Variants in EPB41 observed in about 807,000 individuals in gnomAD.
EPB41 encodes protein 4.1.
In EPB41, 65 loss-of-function variants were observed where a neutral mutation model predicts 108.0. The observed-to-expected ratio is 0.60, with a 90% CI of 0.49 to 0.74. The LOEUF (loss-of-function observed/expected upper bound fraction) is 0.74. Ranked by LOEUF, EPB41 falls within the 30% of genes least tolerant of loss-of-function variation. The pLI is 0.00. For missense variants in EPB41, 875 were observed against 1,037.0 expected, an observed-to-expected ratio of 0.84 and a Z score of 2.15; for synonymous variants, 336 against 358.9, an observed-to-expected ratio of 0.94 and a Z score of 0.72.
In EPB41 at chr1:29,115,940, A is replaced by G; in HGVS notation, c.*6+137A>G. On this transcript the variant is annotated intron_variant, in intron 20 of 20. Coordinates refer to ENST00000343067, the MANE Select transcript of EPB41 (RefSeq NM_001376013.1). This position sits in a 1 kb window ranked among gnomAD's most constrained non-coding sequence, Gnocchi z 4.4. ...CTGGGACTTGATAAAGGCAGACGAG[A>G]GGCTGATGTGGGAGATATAGGAAAT... is the stretch of plus-strand genomic sequence containing the variant. 1.4e-6 allele frequency: 1 copy of G among 691,558 alleles called. No homozygotes were observed. Among genetic ancestry groups the G allele is most frequent in the East Asian group, 2.7e-5 (1 of 36,692 alleles). 42.8% of individuals were successfully genotyped at this position (691,558 alleles called of 1,614,324 possible). A position where few individuals can be genotyped will look rare whatever the true frequency, so the allele number is the denominator to read the frequency against.
intron 17 of EPB41, among the ~76,000 whole-genome samples, chr1:29,102,104 T>C (rs550204820): frequency 6.6e-6 from 1 of 152,348 alleles, no homozygotes; most frequent in African/African-American, 2.4e-5. Context: ...TTAAAAATTG[T>C]ACACGCTATT....
At chr1:28,979,482 C>T (rs916631688) in intron 1 of EPB41, among the ~76,000 whole-genome samples, 1 of 151,478 alleles carries the variant, frequency 6.6e-6, no homozygotes, top group African/African-American at 2.4e-5. Context: ...AAACACCCTT[C>T]ATTACAGAAT....
At chr1:28,958,292 T>C (rs1197324999) in intron 1 of EPB41, among the ~76,000 whole-genome samples, 1 of 151,982 alleles carries the variant, frequency 6.6e-6, no homozygotes, top group Non-Finnish European at 1.5e-5. Flanking sequence ...GTATCAAAAA[T>C]ACAAAGATTA....
In EPB41 at chr1:29,029,841, C is replaced by T. The variant is rs1299165666; in HGVS notation, c.1125-559C>T. Among the ~76,000 whole-genome samples the T allele has an allele frequency of 2.0e-5, 3 of 152,208 alleles. No individual in the cohort carries two copies. The East Asian group carries it at 5.8e-4, about 29-fold the overall frequency. On this transcript the variant is annotated intron_variant, in intron 7 of 20. Coordinates refer to ENST00000343067, the MANE Select transcript of EPB41 (RefSeq NM_001376013.1). ...ATTTTGTTTATATCAGTGGGCAGGA[C>T]ACCATCTGTTACCAGAAATTTTCTT...
chr1:28,903,926 G>A (rs548598186), intron 1 of EPB41, among the ~76,000 whole-genome samples: 411 of 152,020 alleles, frequency 2.7e-3, no homozygotes, highest in Non-Finnish European at 4.5e-3. Flanking sequence ...GAGTGCAGTG[G>A]TGTGATCTTG....
chr1:28,949,460 G>A (rs929548615), intron 1 of EPB41, among the ~76,000 whole-genome samples: 3 of 151,756 alleles, frequency 2.0e-5, no homozygotes, highest in South Asian at 4.1e-4. Flanking sequence ...TACCATCTCT[G>A]TATTACTATA....
At chr1:28,924,964 C>CATTTTTTTT (rs1553168191) in intron 1 of EPB41, among the ~76,000 whole-genome samples, 1 of 128,334 alleles carries the variant, frequency 7.8e-6, no homozygotes, top group African/African-American at 2.9e-5. Context: ...GCCTGGCTAA[C>CATTTTTTTT]TTTTTTTTTT....
At chr1:28,969,134 C>T (rs955403572) in intron 1 of EPB41, among the ~76,000 whole-genome samples, 35 of 149,330 alleles carry the variant, frequency 2.3e-4, no homozygotes, top group Admixed American at 1.8e-3. Flanking sequence ...ACCCAAGCTG[C>T]GGTGCAGTGG....
intron 1 of EPB41, among the ~76,000 whole-genome samples, chr1:28,940,522 G>GGCGC (rs1410243599): frequency 1.3e-5 from 2 of 152,046 alleles, no homozygotes; most frequent in Non-Finnish European, 2.9e-5. Context: ...CGTGGTGGCG[G>GGCGC]GCGCCTGTAA....
At chr1:28,919,690 A>G (rs2092936930) in intron 1 of EPB41, among the ~76,000 whole-genome samples, 1 of 152,102 alleles carries the variant, frequency 6.6e-6, no homozygotes, top group Non-Finnish European at 1.5e-5. Context: ...CCTGATCTCA[A>G]GTGATCCATC....
upstream of EPB41, among the ~76,000 whole-genome samples, chr1:28,910,198 T>A (rs2092160925): frequency 6.6e-6 from 1 of 152,224 alleles, no homozygotes; most frequent in African/African-American, 2.4e-5. Flanking sequence ...CATTTTTTCT[T>A]GTGTTTCTAA....
chr1:29,033,342 C>G, intron 9 of EPB41, 97 bp downstream of exon 9: 1 of 1,432,156 alleles, frequency 7.0e-7, no homozygotes, highest in Non-Finnish European at 9.7e-7. Flanking sequence ...TGAGAAGTCT[C>G]TCTATAGTTA....
intron 1 of EPB41, among the ~76,000 whole-genome samples, chr1:28,918,994 C>G (rs1480464454): frequency 6.6e-6 from 1 of 152,136 alleles, no homozygotes; most frequent in African/African-American, 2.4e-5. Flanking sequence ...TTGATTTACT[C>G]TGCTGCTATT....
intron 15 of EPB41, among the ~76,000 whole-genome samples, chr1:29,061,604 G>A (rs184717162): frequency 6.8e-5 from 6 of 88,114 alleles, no homozygotes; most frequent in South Asian, 4.7e-4. Flanking sequence ...TTTTTGAGGC[G>A]GGTCTCACAG....
At chr1:29,106,130 G>T (rs545862438) in intron 17 of EPB41, among the ~76,000 whole-genome samples, 2 of 152,308 alleles carry the variant, frequency 1.3e-5, no homozygotes, top group East Asian at 3.9e-4. Flanking sequence ...CAAATGACCA[G>T]TATGAGGAAA....
At chr1:28,996,905 C>CG (rs1377564882) in intron 3 of EPB41, among the ~76,000 whole-genome samples, 1 of 151,666 alleles carries the variant, frequency 6.6e-6, no homozygotes, top group African/African-American at 2.4e-5. Flanking sequence ...AAGGCTGAGG[C>CG]GGGGGAATCA....
intron 1 of EPB41, chr1:28,982,497 G>C: frequency 1.2e-6 from 1 of 866,844 alleles, no homozygotes; most frequent in Non-Finnish European, 2.0e-6. Context: ...GAGCATGGCT[G>C]TAGGGGCAAT....
chr1:28,940,465 A>T (rs157203), intron 1 of EPB41, among the ~76,000 whole-genome samples: 26,046 of 152,048 alleles, frequency 0.17, 2,771 homozygotes, highest in East Asian at 0.47. Context: ...CAGCCTGGTC[A>T]GCATGGTGAA....
rs777888291 is a variant in EPB41, at chr1:29,065,004, A to G, written c.2030A>G (p.Glu677Gly). The G allele has an allele frequency of 4.0e-5, 65 of 1,614,032 alleles. 1 individual carries two copies. The South Asian group carries it at 6.9e-4, about 17-fold the overall frequency. Reference protein sequence around the residue: ...MLEDLDKSQEEIKKHHASISE... With the variant: ...MLEDLDKSQEGIKKHHASISE... ...TAGGATTTAGACAAGAGTCAAGAGG[A>G]GATCAAAAAACATCATGCCAGCATC... Residue 677 changes from glutamate (E) to glycine (G), a missense_variant, in exon 16 of 21, where the codon GAG becomes GGG. Glu to Gly is a moderately conservative substitution (Grantham distance 98). This residue lies in a region of EPB41 where 519 missense variants were observed against 627.3 expected (regional missense o/e 0.83). Coordinates refer to ENST00000343067, the MANE Select transcript of EPB41 (RefSeq NM_001376013.1).
Sources: allele counts gnomAD v4.1 joint callset (sites outside exome capture counted in the v4.1 genomes callset), GRCh38; gene constraint gnomAD v4.1.1; regional missense constraint gnomAD v4.1.1; non-coding constraint Gnocchi (gnomAD v3.1); transcripts MANE v1.5; gene names NCBI Gene and HGNC (gene_info 2026-07-23, HGNC 2026-07-21).